SLC9A9: variants seen among roughly 807,000 people sequenced by gnomAD.
SLC9A9 encodes the protein sodium/hydrogen exchanger 9.
A neutral mutation model predicts 77.8 loss-of-function variants in SLC9A9; 62 were observed. The observed-to-expected ratio is 0.80, with a 90% CI of 0.65 to 0.98. The LOEUF is 0.98. Among genes scored for constraint, SLC9A9 ranks in the 50% least tolerant of loss-of-function variants. The probability of loss-of-function intolerance (pLI) is 0.00; values close to 1 mark genes in which losing one functional copy is unlikely to be tolerated. For synonymous variants in SLC9A9, 320 were observed against 283.5 expected (o/e 1.13, Z -1.29); for missense variants, 775 against 774.9 (o/e 1.00, Z 0.00).
intron 14 of SLC9A9, among the ~76,000 whole-genome samples, chr3:143,305,012 G>A (rs149282137): frequency 1.4e-3 from 208 of 152,220 alleles, no homozygotes; most frequent in African/African-American, 4.6e-3. Context: ...ATATCTGAAC[G>A]TGAACCAGAT....
intron 5 of SLC9A9, among the ~76,000 whole-genome samples, chr3:143,690,364 G>A (rs1323350670): frequency 6.6e-6 from 1 of 151,892 alleles, no homozygotes; most frequent in Non-Finnish European, 1.5e-5. Context: ...TTAAAAAAAG[G>A]TCTAAAAACA....
intron 14 of SLC9A9, among the ~76,000 whole-genome samples, chr3:143,299,962 A>G (rs1231736686): frequency 6.6e-6 from 1 of 152,206 alleles, no homozygotes; most frequent in Non-Finnish European, 1.5e-5. Flanking sequence ...AAAATGTATG[A>G]TTTGGAAAAA....
intron 13 of SLC9A9, among the ~76,000 whole-genome samples, chr3:143,364,931 A>G (rs1288894646): frequency 6.6e-6 from 1 of 152,184 alleles, no homozygotes; most frequent in African/African-American, 2.4e-5. Flanking sequence ...TCATTCAGGA[A>G]AGGATGGGGT....
intron 4 of SLC9A9, among the ~76,000 whole-genome samples, chr3:143,792,716 C>A (rs1169876986): frequency 6.6e-6 from 1 of 152,118 alleles, no homozygotes; most frequent in Non-Finnish European, 1.5e-5. Context: ...CACTTACTTG[C>A]CCTGGGTGAT....
chr3:143,665,783 A>C (rs1214860635), intron 5 of SLC9A9, among the ~76,000 whole-genome samples: 1 of 152,226 alleles, frequency 6.6e-6, no homozygotes. Flanking sequence ...CTAAACCAGG[A>C]AGAAGTTGAA....
intron 9 of SLC9A9, among the ~76,000 whole-genome samples, chr3:143,551,899 G>C (rs1342991755): frequency 6.6e-6 from 1 of 152,200 alleles, no homozygotes; most frequent in African/African-American, 2.4e-5. Flanking sequence ...CCAAACAGAT[G>C]TGTTCTTGGC....
At chr3:143,323,786 C>A (rs2031492576) in intron 14 of SLC9A9, among the ~76,000 whole-genome samples, 1 of 152,040 alleles carries the variant, frequency 6.6e-6, no homozygotes, top group Non-Finnish European at 1.5e-5. Context: ...TATATTTGTA[C>A]AAATAAAACC....
intron 14 of SLC9A9, among the ~76,000 whole-genome samples, chr3:143,295,001 T>C (rs2030184773): frequency 6.6e-6 from 1 of 152,230 alleles, no homozygotes; most frequent in South Asian, 2.1e-4. Flanking sequence ...ATTTAATGAT[T>C]TGGCATTAGT....
intron 9 of SLC9A9, among the ~76,000 whole-genome samples, chr3:143,532,802 T>C (rs2036532153): frequency 6.6e-6 from 1 of 152,182 alleles, no homozygotes; most frequent in Admixed American, 6.5e-5. Flanking sequence ...TTAGGGATGC[T>C]AGGGCCCTTC....
intron 9 of SLC9A9, among the ~76,000 whole-genome samples, chr3:143,506,057 T>C (rs1287557225): frequency 6.6e-6 from 1 of 152,228 alleles, no homozygotes; most frequent in East Asian, 1.9e-4. Context: ...TTAATATACA[T>C]AAAGTTAAGA....
chr3:143,430,505 G>A (rs1048388263), intron 12 of SLC9A9, among the ~76,000 whole-genome samples: 2 of 152,156 alleles, frequency 1.3e-5, no homozygotes, highest in African/African-American at 2.4e-5. Context: ...CAGGAAAGGC[G>A]GGACTTGGAG....
chr3:143,367,950 T>C (rs559267617), intron 13 of SLC9A9, among the ~76,000 whole-genome samples: 2 of 152,320 alleles, frequency 1.3e-5, no homozygotes, highest in South Asian at 4.1e-4. Context: ...AATACTATTA[T>C]TAATAATGCC....
chr3:143,546,474 G>T (rs1003784177), intron 9 of SLC9A9, among the ~76,000 whole-genome samples: 4 of 152,184 alleles, frequency 2.6e-5, no homozygotes, highest in East Asian at 3.8e-4. Context: ...GAAATAGGTA[G>T]ATTTTCAAAA....
chr3:143,460,982 A>G (rs1305498863), intron 12 of SLC9A9, among the ~76,000 whole-genome samples: 1 of 152,186 alleles, frequency 6.6e-6, no homozygotes, highest in East Asian at 1.9e-4. Flanking sequence ...TCAAATGAGT[A>G]AACTGGTTTT....
intron 4 of SLC9A9, among the ~76,000 whole-genome samples, chr3:143,736,080 T>C (rs921885178): frequency 4.6e-5 from 7 of 152,226 alleles, no homozygotes; most frequent in African/African-American, 1.7e-4. Flanking sequence ...CTTGTATATG[T>C]TGTGTTCTTT....
At chr3:143,813,160 G>A (rs1440267071) in intron 2 of SLC9A9, among the ~76,000 whole-genome samples, 1 of 152,106 alleles carries the variant, frequency 6.6e-6, no homozygotes, top group Non-Finnish European at 1.5e-5. Context: ...AGCAGTACAT[G>A]CCAGAATTTT....
intron 14 of SLC9A9, among the ~76,000 whole-genome samples, chr3:143,348,997 T>A (rs2032378697): frequency 6.6e-6 from 1 of 152,230 alleles, no homozygotes; most frequent in African/African-American, 2.4e-5. Context: ...CAACTGCATG[T>A]TGAGATTCCC....
chr3:143,737,339 T>C (rs1489591098), intron 4 of SLC9A9, among the ~76,000 whole-genome samples: 1 of 152,184 alleles, frequency 6.6e-6, no homozygotes, highest in Non-Finnish European at 1.5e-5. Context: ...TTTTTTACTA[T>C]GATGTTCTCA....
At chr3:143,510,726 GT>G (rs1212833744) in intron 9 of SLC9A9, among the ~76,000 whole-genome samples, 1 of 151,982 alleles carries the variant, frequency 6.6e-6, no homozygotes, top group Non-Finnish European at 1.5e-5. Context: ...TCTATGTTCA[GT>G]TTTTGGTCTG....
Sources: gnomAD v4.1 joint callset for allele counts (sites outside exome capture counted in the v4.1 genomes callset) on GRCh38, gnomAD v4.1.1 for gene constraint, MANE v1.5 for transcripts, NCBI Gene and HGNC (gene_info 2026-07-23, HGNC 2026-07-21) for gene names.